The following ARHGAP10 variants were observed in gnomAD, a reference collection of about 807,000 sequenced individuals.
ARHGAP10 encodes rho GTPase-activating protein 10.
In ARHGAP10, 87 loss-of-function variants were observed where a neutral mutation model predicts 108.6. The observed-to-expected ratio is 0.80, with a 90% CI of 0.67 to 0.96. The LOEUF (loss-of-function observed/expected upper bound fraction) is 0.96. ARHGAP10 is among the 40% of genes least tolerant of loss of function. ARHGAP10 has a pLI of 0.00. For missense variants in ARHGAP10, 939 were observed against 954.5 expected (o/e 0.98, Z 0.21); for synonymous variants, 347 against 341.1 (o/e 1.02, Z -0.19).
intron 7 of ARHGAP10, among the ~76,000 whole-genome samples, chr4:147,868,840 A>G (rs1734679846): frequency 6.6e-6 from 1 of 152,124 alleles, no homozygotes; most frequent in African/African-American, 2.4e-5. Context: ...ATCTGACAGA[A>G]GGTGGACTCA....
chr4:147,964,205 G>C (rs1169518006), intron 16 of ARHGAP10, among the ~76,000 whole-genome samples: 1 of 152,074 alleles, frequency 6.6e-6, no homozygotes, highest in Non-Finnish European at 1.5e-5. Context: ...TACGCTACAG[G>C]CTGTACTCTC....
chr4:147,869,757 A>G (rs147815782), intron 7 of ARHGAP10, among the ~76,000 whole-genome samples: 378 of 150,500 alleles, frequency 2.5e-3, no homozygotes, highest in Non-Finnish European at 4.7e-3. Flanking sequence ...AGTATTGAGA[A>G]CACCTGATCT....
chr4:147,752,083 C>A (rs1209098592), intron 1 of ARHGAP10, among the ~76,000 whole-genome samples: 2 of 152,044 alleles, frequency 1.3e-5, no homozygotes, highest in African/African-American at 4.8e-5. Flanking sequence ...CAGGGTTTCA[C>A]CATATTGGCC....
intron 11 of ARHGAP10, among the ~76,000 whole-genome samples, chr4:147,907,882 G>C (rs1189733677): frequency 6.6e-6 from 1 of 152,112 alleles, no homozygotes; most frequent in Non-Finnish European, 1.5e-5. Flanking sequence ...TCACTCTGTT[G>C]CCCAGTCTGC....
intron 3 of ARHGAP10, among the ~76,000 whole-genome samples, chr4:147,834,278 G>T (rs1377389396): frequency 1.3e-5 from 2 of 152,124 alleles, no homozygotes; most frequent in African/African-American, 4.8e-5. Context: ...AAACCAGTCT[G>T]GGCAACATAA....
At chr4:148,020,539 G>GTTTTT (rs151004924) in intron 18 of ARHGAP10, among the ~76,000 whole-genome samples, 21 of 146,322 alleles carry the variant, frequency 1.4e-4, no homozygotes, top group African/African-American at 4.6e-4. Flanking sequence ...GAGAACATGC[G>GTTTTT]TTTTTTGTTT....
intron 20 of ARHGAP10, among the ~76,000 whole-genome samples, chr4:148,048,825 T>G (rs544824043): frequency 1.3e-5 from 2 of 152,224 alleles, no homozygotes; most frequent in Admixed American, 6.5e-5. Context: ...ATATTTTTGG[T>G]CATAAATCAA....
intron 5 of ARHGAP10, 76 bp from the exon 6 acceptor site, chr4:147,864,770 C>A: frequency 7.6e-7 from 1 of 1,321,442 alleles, no homozygotes; most frequent in Non-Finnish European, 1.1e-6. Context: ...CCATGGACCA[C>A]AGTGTGATGA....
intron 3 of ARHGAP10, among the ~76,000 whole-genome samples, chr4:147,825,104 T>G (rs1579086644): frequency 6.6e-6 from 1 of 152,072 alleles, no homozygotes; most frequent in Admixed American, 6.5e-5. Flanking sequence ...TGGTGGCTGG[T>G]GGGGGTTTAT....
At chr4:147,766,830 A>G (rs1330657138) in intron 1 of ARHGAP10, among the ~76,000 whole-genome samples, 4 of 105,944 alleles carry the variant, frequency 3.8e-5, no homozygotes, top group Admixed American at 1.7e-4. Flanking sequence ...ATATATATAT[A>G]TATATATATT....
chr4:147,900,399 A>G (rs920628633), intron 10 of ARHGAP10, among the ~76,000 whole-genome samples: 2 of 152,258 alleles, frequency 1.3e-5, no homozygotes, highest in African/African-American at 2.4e-5. Context: ...TAGGTACTAC[A>G]GATAATAATT....
intron 4 of ARHGAP10, among the ~76,000 whole-genome samples, chr4:147,852,728 TTTA>T (rs377155132): frequency 0.075 from 4,763 of 63,338 alleles, 421 homozygotes; most frequent in African/African-American, 0.22. Flanking sequence ...TTTTTTTTTT[TTTA>T]AAATGGAGCG....
chr4:147,998,081 T>C (rs1740549642), intron 18 of ARHGAP10, among the ~76,000 whole-genome samples: 1 of 152,072 alleles, frequency 6.6e-6, no homozygotes, highest in South Asian at 2.1e-4. Flanking sequence ...GAAATAAGCA[T>C]TCACCTACTC....
chr4:147,966,830 C>T lies in ARHGAP10; in HGVS notation c.1707C>T (p.Asn569=). Residue 569 remains asparagine (N), a synonymous_variant, in exon 18 of 23, where the codon AAC becomes AAT. Transcript: ENST00000336498. ...QNIVVEILIE[N]HEKIFRTPPD... ...TTGTTGTGGAAATCTTAATTGAAAA[C>T]CATGAAAAGGTAAAATTTTTTTTTT... 1 of 1,573,698 alleles carries T rather than the reference C, an allele frequency of 6.4e-7. No homozygotes were observed.
chr4:147,855,161 C>G (rs1734034258), intron 4 of ARHGAP10, among the ~76,000 whole-genome samples: 1 of 152,166 alleles, frequency 6.6e-6, no homozygotes, highest in African/African-American at 2.4e-5. Flanking sequence ...GGCCTGACTT[C>G]CATTTGTCTT....
chr4:147,837,973 A>G (rs1202158359), intron 3 of ARHGAP10, among the ~76,000 whole-genome samples: 2 of 152,172 alleles, frequency 1.3e-5, no homozygotes, highest in African/African-American at 4.8e-5. Context: ...GCATATGTAC[A>G]TCTGCTAGAT....
intron 4 of ARHGAP10, chr4:147,854,590 G>A (rs1478694172): frequency 6.3e-6 from 3 of 479,544 alleles, no homozygotes; most frequent in Non-Finnish European, 5.4e-6. Flanking sequence ...ATTTTTTTCT[G>A]TAATGCAGTA....
At chr4:147,840,222 G>A (rs149345367) in intron 3 of ARHGAP10, among the ~76,000 whole-genome samples, 2 of 152,110 alleles carry the variant, frequency 1.3e-5, no homozygotes, top group African/African-American at 4.8e-5. Context: ...GTTCTCTTGA[G>A]TCCCTATGAT....
At chr4:148,051,327 G>A (rs753224425) in intron 20 of ARHGAP10, among the ~76,000 whole-genome samples, 4 of 152,138 alleles carry the variant, frequency 2.6e-5, no homozygotes, top group Non-Finnish European at 4.4e-5. Flanking sequence ...AAGGTATTTC[G>A]AATGTTCCAA....
Sources: gnomAD v4.1 joint callset for allele counts (sites outside exome capture counted in the v4.1 genomes callset) on GRCh38, gnomAD v4.1.1 for gene constraint, MANE v1.5 for transcripts, NCBI Gene and HGNC (gene_info 2026-07-23, HGNC 2026-07-21) for gene names.